LAMC1: variants seen among roughly 807,000 people sequenced by gnomAD.
The protein encoded by LAMC1 is laminin subunit gamma 1.
A neutral mutation model predicts 173.6 loss-of-function variants in LAMC1; 38 were observed. The ratio of observed to expected loss-of-function variants is 0.22; its 90% confidence interval spans 0.17 to 0.29. LAMC1 has a LOEUF of 0.29. LAMC1 is among the 10% of genes least tolerant of loss of function. LAMC1 has a pLI of 1.00. For missense variants in LAMC1, 1,824 were observed against 2,051.8 expected (o/e 0.89, Z 2.14); for synonymous variants, 746 against 749.1 (o/e 1.00, Z 0.07).
intron 1 of LAMC1, among the ~76,000 whole-genome samples, chr1:183,024,863 AGAAACACGTG>A (rs1413403834): frequency 6.6e-6 from 1 of 152,238 alleles, no homozygotes; most frequent in Non-Finnish European, 1.5e-5. Flanking sequence ...AAGCAACTGT[AGAAACACGTG>A]TAAGTGATGT....
At chr1:183,142,381 C>G (rs567561482) in intron 27 of LAMC1, among the ~76,000 whole-genome samples, 153 bp from the exon 28 acceptor site, 2 of 152,292 alleles carry the variant, frequency 1.3e-5, no homozygotes, top group African/African-American at 4.8e-5. Context: ...TATTTTATAC[C>G]ATTGTGTGAC....
intron 1 of LAMC1, among the ~76,000 whole-genome samples, chr1:183,085,176 C>G (rs1341122662): frequency 6.6e-6 from 1 of 151,542 alleles, no homozygotes; most frequent in Non-Finnish European, 1.5e-5. Context: ...TGAGATCACG[C>G]CAGTGCCCTC....
At chr1:183,092,172 G>A (rs1386453996) in intron 1 of LAMC1, among the ~76,000 whole-genome samples, 1 of 152,150 alleles carries the variant, frequency 6.6e-6, no homozygotes, top group Non-Finnish European at 1.5e-5. Context: ...TATGCCTACA[G>A]ATGACACGTG....
In LAMC1 at chr1:183,075,289, T is replaced by C. The variant is rs753660624; in HGVS notation, c.419-28039T>C. Among the ~76,000 whole-genome samples, 32 of 152,154 alleles carry C rather than the reference T, an allele frequency of 2.1e-4. 1 individual carries two copies. Among genetic ancestry groups the C allele is most frequent in the Non-Finnish European group, 4.1e-4 (28 of 68,034 alleles). On this transcript the variant is annotated intron_variant, in intron 1 of 27. Transcript: ENST00000258341. ...GCTGGTGTGCGCCACCACACTTGGC[T>C]AATTTTTACAAGGACAGGGTTTCGC...
chr1:183,064,599 G>T (rs150195865), intron 1 of LAMC1, among the ~76,000 whole-genome samples: 1 of 152,158 alleles, frequency 6.6e-6, no homozygotes. Context: ...AACAGTGGCC[G>T]TAGTGGTGTT....
chr1:183,102,272 G>C (rs1000366645), intron 1 of LAMC1, among the ~76,000 whole-genome samples: 5 of 152,216 alleles, frequency 3.3e-5, no homozygotes, highest in African/African-American at 9.6e-5. Context: ...TTGTAGGAGA[G>C]GGTTGGGATG....
At chr1:183,101,658 G>A (rs567732326) in intron 1 of LAMC1, among the ~76,000 whole-genome samples, 1 of 151,710 alleles carries the variant, frequency 6.6e-6, no homozygotes, top group South Asian at 2.1e-4. Context: ...AAGTCGGTGG[G>A]GCAGGGATTG....
intron 1 of LAMC1, among the ~76,000 whole-genome samples, chr1:183,033,940 G>A (rs186875408): frequency 6.6e-6 from 1 of 152,004 alleles, no homozygotes; most frequent in African/African-American, 2.4e-5. Flanking sequence ...CTCAGGTGAT[G>A]CACCCTCCTT....
At chr1:183,040,459 C>A (rs1654099991) in intron 1 of LAMC1, among the ~76,000 whole-genome samples, 1 of 152,168 alleles carries the variant, frequency 6.6e-6, no homozygotes. Context: ...TTCTGAAATA[C>A]AGATATTCCA....
intron 1 of LAMC1, among the ~76,000 whole-genome samples, chr1:183,054,988 CTTTTT>C (rs34723564): frequency 7.6e-6 from 1 of 130,802 alleles, no homozygotes; most frequent in Non-Finnish European, 1.6e-5. Context: ...CTTTGTGCAT[CTTTTT>C]TTTTTTTTTT....
intron 1 of LAMC1, among the ~76,000 whole-genome samples, chr1:183,079,586 C>G (rs944799066): frequency 6.6e-6 from 1 of 152,130 alleles, no homozygotes; most frequent in Non-Finnish European, 1.5e-5. Flanking sequence ...AGCCACTGCA[C>G]GTGCCCAGCC....
intron 1 of LAMC1, among the ~76,000 whole-genome samples, chr1:183,058,856 C>T (rs570769286): frequency 1.4e-4 from 21 of 152,266 alleles, no homozygotes; most frequent in Non-Finnish European, 2.6e-4. Context: ...AAAAAGCTAC[C>T]TACATGTTTA....
chr1:183,122,339 G>A, intron 13 of LAMC1, 88 bp downstream of exon 13: 1 of 1,274,474 alleles, frequency 7.8e-7, no homozygotes, highest in African/African-American at 1.5e-5. Context: ...TTGGATCTTT[G>A]TGTTTGGTTC....
At chr1:183,042,677 C>G (rs1654166916) in intron 1 of LAMC1, among the ~76,000 whole-genome samples, 1 of 152,182 alleles carries the variant, frequency 6.6e-6, no homozygotes, top group Admixed American at 6.5e-5. Context: ...ATCCTCACAA[C>G]TTTAGCTTTT....
chr1:183,057,713 ACCACT>A (rs961331864), intron 1 of LAMC1, among the ~76,000 whole-genome samples: 2 of 152,022 alleles, frequency 1.3e-5, no homozygotes, highest in Non-Finnish European at 1.5e-5. Context: ...CCAAGATCAC[ACCACT>A]CCACTCCAGC....
intron 21 of LAMC1, among the ~76,000 whole-genome samples, chr1:183,132,851 A>G (rs936961925): frequency 2.0e-5 from 3 of 152,242 alleles, no homozygotes; most frequent in Admixed American, 2.0e-4. Flanking sequence ...ACAAATCTTT[A>G]AAGGGTGTCT....
At chr1:183,076,590 T>G (rs1379185180) in intron 1 of LAMC1, among the ~76,000 whole-genome samples, 2 of 152,208 alleles carry the variant, frequency 1.3e-5, no homozygotes, top group African/African-American at 4.8e-5. Flanking sequence ...TTCTCTTCCC[T>G]AGTTCTTCCC....
At position 183,131,317 on chromosome 1, in the gene LAMC1, T is replaced by C. The variant is rs778762391; in HGVS notation, c.3505T>C (p.Ser1169Pro). The C allele has an allele frequency of 1.3e-5, 21 of 1,613,790 alleles. No individual in the cohort carries two copies. The highest frequency in any genetic ancestry group is 1.7e-5 in the Non-Finnish European group (20 of 1,179,824). The change falls in exon 20 of 28, where the codon TCT (serine) becomes CCT (proline). Residue 1169 changes from serine (S) to proline (P), a missense_variant. By Grantham distance (74) the Ser-to-Pro change is moderately conservative (BLOSUM62 -1). Transcript: ENST00000258341. ...AANVSVTQPE[S>P]TGDPNNMTLL... ...TGTGCAGTCAGTCACTCAGCCAGAA[T>C]CTACAGGGGACCCAAACAACATGAC...
intron 18 of LAMC1, among the ~76,000 whole-genome samples, chr1:183,129,745 A>G (rs1434073714): frequency 6.6e-6 from 1 of 152,186 alleles, no homozygotes; most frequent in Non-Finnish European, 1.5e-5. Context: ...TGAGTATGAG[A>G]TTTAAGTTGA....
Sources: allele counts gnomAD v4.1 joint callset (sites outside exome capture counted in the v4.1 genomes callset), GRCh38; gene constraint gnomAD v4.1.1; transcripts MANE v1.5; gene names NCBI Gene and HGNC (gene_info 2026-07-23, HGNC 2026-07-21).